Variants in DOCK1 observed in about 807,000 individuals in gnomAD.
DOCK1 encodes the protein dedicator of cytokinesis protein 1.
A neutral mutation model predicts 262.7 loss-of-function variants in DOCK1; 138 were observed. The ratio of observed to expected loss-of-function variants is 0.53; its 90% confidence interval spans 0.46 to 0.61. DOCK1 has a LOEUF of 0.61. DOCK1 is among the 20% of genes least tolerant of loss of function. DOCK1 has a pLI of 0.00. For missense variants in DOCK1, 1,908 were observed against 2,370.7 expected (o/e 0.80, Z 4.05); for synonymous variants, 866 against 867.4 (o/e 1.00, Z 0.03).
At chr10:127,120,915 C>T (rs973614777) in intron 25 of DOCK1, among the ~76,000 whole-genome samples, 3 of 152,128 alleles carry the variant, frequency 2.0e-5, no homozygotes, top group Admixed American at 6.6e-5. Flanking sequence ...GTTGTAGGCT[C>T]ATATTTGCTA....
intron 29 of DOCK1, among the ~76,000 whole-genome samples, chr10:127,285,082 G>A (rs1366188011): frequency 6.6e-6 from 1 of 152,162 alleles, no homozygotes; most frequent in African/African-American, 2.4e-5. Flanking sequence ...AGGCTGCAGT[G>A]AGTCGTGATC....
intron 27 of DOCK1, among the ~76,000 whole-genome samples, chr10:127,145,361 T>G (rs949296275): frequency 6.6e-6 from 1 of 152,092 alleles, no homozygotes; most frequent in African/African-American, 2.4e-5. Flanking sequence ...TCTTATGCCA[T>G]CCCCCTAGGA....
chr10:127,304,999 G>A lies in DOCK1; in HGVS notation c.3045-34007G>A, dbSNP rs78765567. ...GTAAGTCCAATGCTTCTTTTTGAAC[G>A]TGGTTCCACTGATGAGCTTCTATAA... On this transcript the variant is annotated intron_variant, in intron 29 of 51. Transcript: ENST00000623213. 7.9e-3 allele frequency among the ~76,000 whole-genome samples: 1,207 copies of A among 152,112 alleles called. 34 individuals are homozygous for A. The East Asian group carries it at 0.11, about 13-fold the overall frequency.
At chr10:127,348,397 G>A (rs192414046) in intron 31 of DOCK1, among the ~76,000 whole-genome samples, 38 of 152,282 alleles carry the variant, frequency 2.5e-4, no homozygotes, top group African/African-American at 9.1e-4. Context: ...ATTTTGTTAT[G>A]TAAGACACGT....
chr10:127,024,902 C>CT lies in DOCK1; in HGVS notation c.1551+120dup, dbSNP rs1591711347. The CT allele has an allele frequency of 6.4e-6, 5 of 783,346 alleles. No homozygotes were observed. The East Asian group carries it at 1.4e-4, about 22-fold the overall frequency. The allele number at this position is 783,346 out of a possible 1,614,324, so 48.5% of individuals were successfully genotyped here. On this transcript the variant is annotated intron_variant, in intron 15 of 51. Coordinates refer to ENST00000623213, the MANE Select transcript of DOCK1 (RefSeq NM_001290223.2). ...GAGCTGCTCCAGGCAGGCAGAGTGTCTCCCAACAAAGTCATTCAAGGTTGC... is the reference window on the plus strand; with the variant it reads ...GAGCTGCTCCAGGCAGGCAGAGTGTCTTCCCAACAAAGTCATTCAAGGTTGC...
In DOCK1 at chr10:127,447,465, G is replaced by T. The variant is rs779069875; in HGVS notation, c.5485G>T (p.Val1829Leu). 3 of 1,613,780 alleles carry T rather than the reference G, an allele frequency of 1.9e-6. No individual in the cohort carries two copies. Among genetic ancestry groups the T allele is most frequent in the Non-Finnish European group, 2.5e-6 (3 of 1,179,796 alleles). ...ACCCCCTCTGCCTCTCAAAGGCAGC[G>T]TGGCAGATTACGGGAATTTGATGGA... ...VPPPLPLKGS[V>L]ADYGNLMENQ... The change falls in exon 51 of 52, where the codon GTG (valine) becomes TTG (leucine). Residue 1829 changes from valine (V) to leucine (L), a missense_variant. By Grantham distance (32) the Val-to-Leu change is conservative. Transcript: ENST00000623213.
chr10:127,106,072 T>G (rs1301938794), intron 23 of DOCK1, among the ~76,000 whole-genome samples, 159 bp from the exon 24 acceptor site: 1 of 152,098 alleles, frequency 6.6e-6, no homozygotes, highest in African/African-American at 2.4e-5. Context: ...ATGACTTTTG[T>G]TCTTTGCTCT....
chr10:126,991,019 A>G (rs2039747627), intron 6 of DOCK1, among the ~76,000 whole-genome samples: 1 of 152,244 alleles, frequency 6.6e-6, no homozygotes, highest in Non-Finnish European at 1.5e-5. Context: ...AGTGGACATT[A>G]GATCACTGGA....
chr10:127,315,806 C>T (rs2062251812), intron 29 of DOCK1, among the ~76,000 whole-genome samples: 1 of 152,172 alleles, frequency 6.6e-6, no homozygotes. Context: ...TGAAGTGATT[C>T]TCCTGCCTCA....
chr10:127,229,482 T>A (rs1410340330), intron 27 of DOCK1, among the ~76,000 whole-genome samples: 1 of 152,138 alleles, frequency 6.6e-6, no homozygotes, highest in Non-Finnish European at 1.5e-5. Flanking sequence ...GAGATCATGC[T>A]GTGTTTGTCT....
At position 127,100,948 on chromosome 10, in the gene DOCK1, G is replaced by A. The variant is rs555125937; in HGVS notation, c.2446-5283G>A. Among the ~76,000 whole-genome samples, 178 of 152,202 alleles carry A rather than the reference G, an allele frequency of 1.2e-3. No individual in the cohort carries two copies. The highest frequency in any genetic ancestry group is 4.1e-3 in the African/African-American group (169 of 41,548). ...TCGCAGGGCCTGGGGCTGCTTTTCC[G>A]GGTGAGAGGCTGGTGTGGGCTTCAT... On this transcript the variant is annotated intron_variant, in intron 23 of 51. Coordinates refer to ENST00000623213, the MANE Select transcript of DOCK1 (RefSeq NM_001290223.2). The surrounding 1 kb of genome is among the most constrained non-coding windows in gnomAD (Gnocchi z 5.5).
chr10:127,290,450 A>C (rs140126868), intron 29 of DOCK1, among the ~76,000 whole-genome samples: 29 of 152,326 alleles, frequency 1.9e-4, no homozygotes, highest in Non-Finnish European at 3.4e-4. Flanking sequence ...AGATGTCCAC[A>C]GTTATGAGAA....
intron 33 of DOCK1, among the ~76,000 whole-genome samples, chr10:127,364,962 T>C (rs2064820614): frequency 1.3e-5 from 2 of 152,214 alleles, no homozygotes; most frequent in Admixed American, 6.5e-5. Context: ...TTTTTGTTTC[T>C]CTGGCTCACT....
chr10:127,226,012 A>T (rs945301795), intron 27 of DOCK1, among the ~76,000 whole-genome samples: 1 of 148,424 alleles, frequency 6.7e-6, no homozygotes, highest in African/African-American at 2.5e-5. Flanking sequence ...TGGGAGGCAG[A>T]GGTTGCAGTC....
chr10:127,262,213 C>CATGT (rs372547717), intron 29 of DOCK1, among the ~76,000 whole-genome samples: 47,232 of 126,274 alleles, frequency 0.37, 9,408 homozygotes, highest in South Asian at 0.58. Flanking sequence ...TGTGTGTGTG[C>CATGT]GTGTGTGTGT....
rs1056853376 is a variant in DOCK1, at chr10:127,032,058, A to C, written c.1729-79A>C. ...AGCAATTACGATGGTTACAAGGATT[A>C]GGGATAACAAAGGGTGGCAAAAATG... On this transcript the variant is annotated intron_variant, in intron 17 of 51. Transcript: ENST00000623213. 6.1e-6 allele frequency: 9 copies of C among 1,485,286 alleles called. No homozygotes were observed. The Admixed American group carries it at 1.6e-4, about 26-fold the overall frequency. The allele number at this position is 1,485,286 out of a possible 1,614,324, so 92.0% of individuals were successfully genotyped here. A position where few individuals can be genotyped will look rare whatever the true frequency, so the allele number is the denominator to read the frequency against.
chr10:127,210,279 A>G (rs926631772), intron 27 of DOCK1, among the ~76,000 whole-genome samples: 3 of 152,186 alleles, frequency 2.0e-5, no homozygotes, highest in African/African-American at 4.8e-5. Context: ...AGGTGGCCCC[A>G]GTGCTCATCC....
At chr10:127,323,930 T>G (rs1456802234) in intron 29 of DOCK1, among the ~76,000 whole-genome samples, 1 of 152,224 alleles carries the variant, frequency 6.6e-6, no homozygotes, top group Non-Finnish European at 1.5e-5. Context: ...CAAAGCCTCC[T>G]GTGGAGTAAG....
intron 27 of DOCK1, among the ~76,000 whole-genome samples, chr10:127,193,597 G>A (rs78171672): frequency 0.14 from 20,747 of 152,172 alleles, 1,771 homozygotes; most frequent in South Asian, 0.22. Flanking sequence ...AAATGTCTAC[G>A]TGAACGGGTC....
Sources: gnomAD v4.1 joint callset for allele counts (sites outside exome capture counted in the v4.1 genomes callset) on GRCh38, gnomAD v4.1.1 for gene constraint, Gnocchi (gnomAD v3.1) non-coding constraint, MANE v1.5 for transcripts, NCBI Gene and HGNC (gene_info 2026-07-23, HGNC 2026-07-21) for gene names.